Variants in SCRG1 observed in about 807,000 individuals in gnomAD.
SCRG1 encodes the protein stimulator of chondrogenesis 1, also known as scrapie-responsive protein 1.
Under a neutral mutation model 7.7 loss-of-function variants are expected in SCRG1, and 3 were observed. The observed-to-expected ratio is 0.39, with a 90% CI of 0.18 to 1.01. The LOEUF is 1.01. Among genes scored for constraint, SCRG1 ranks in the 50% least tolerant of loss-of-function variants. The pLI, the probability that SCRG1 is intolerant of heterozygous loss-of-function variation, is 0.36. For missense variants in SCRG1, 110 were observed against 117.2 expected, an observed-to-expected ratio of 0.94 and a Z score of 0.28; for synonymous variants, 46 against 41.2, an observed-to-expected ratio of 1.12 and a Z score of -0.44.
the SCRG1 span, among the ~76,000 whole-genome samples, chr4:173,504,743 A>C: frequency 5.3e-5 from 8 of 152,196 alleles, no homozygotes; most frequent in African/African-American, 1.9e-4. The surrounding 1 kb of genome is among the most constrained non-coding windows in gnomAD (Gnocchi z 4.7). Flanking sequence ...AAAGGTCAAC[A>C]CCATCCTTCT....
chr4:173,404,495 T>C (rs1187109517), intron 1 of SCRG1: 1 of 152,228 alleles, frequency 6.6e-6, no homozygotes, highest in Admixed American at 6.5e-5. Flanking sequence ...TTTTAAGTGA[T>C]TATAATTCTA....
At chr4:173,454,256 T>C in the SCRG1 span, among the ~76,000 whole-genome samples, 1 of 151,862 alleles carries the variant, frequency 6.6e-6, no homozygotes, top group African/African-American at 2.4e-5. Context: ...GAAGGGAAAG[T>C]TCACGTAGGA....
the SCRG1 span, among the ~76,000 whole-genome samples, chr4:173,462,377 T>C: frequency 6.6e-6 from 1 of 152,140 alleles, no homozygotes; most frequent in Non-Finnish European, 1.5e-5. Context: ...AGTGGAGACC[T>C]TACAAGCCAG....
the SCRG1 span, among the ~76,000 whole-genome samples, chr4:173,429,652 C>T: frequency 6.6e-6 from 1 of 152,136 alleles, no homozygotes; most frequent in Non-Finnish European, 1.5e-5. Context: ...GCTGCTCTCT[C>T]CATATGGATT....
the SCRG1 span, among the ~76,000 whole-genome samples, chr4:173,434,052 G>A: frequency 6.6e-6 from 1 of 152,154 alleles, no homozygotes; most frequent in Non-Finnish European, 1.5e-5. Context: ...AATACCTAGT[G>A]TGGTGTCCAT....
chr4:173,491,703 C>T, the SCRG1 span, among the ~76,000 whole-genome samples: 3 of 152,146 alleles, frequency 2.0e-5, no homozygotes, highest in Non-Finnish European at 2.9e-5. Flanking sequence ...CCCAGCTCTC[C>T]GCTTGCACTG....
chr4:173,444,323 T>C, the SCRG1 span, among the ~76,000 whole-genome samples: 34 of 152,300 alleles, frequency 2.2e-4, no homozygotes, highest in African/African-American at 7.5e-4. Flanking sequence ...GTCATTGTGG[T>C]TGACTTGTCA....
the SCRG1 span, among the ~76,000 whole-genome samples, chr4:173,449,032 C>T: frequency 6.6e-6 from 1 of 152,182 alleles, no homozygotes; most frequent in South Asian, 2.1e-4. Flanking sequence ...ATCACAGAGA[C>T]AGGCTGAAGT....
At chr4:173,405,000 T>C (rs1578970136) in intron 1 of SCRG1, among the ~76,000 whole-genome samples, 1 of 152,208 alleles carries the variant, frequency 6.6e-6, no homozygotes, top group East Asian at 1.9e-4. Context: ...TGTGGTCCAT[T>C]TTTTATAATT....
chr4:173,470,631 C>T, the SCRG1 span, among the ~76,000 whole-genome samples: 1 of 152,276 alleles, frequency 6.6e-6, no homozygotes. Flanking sequence ...AACCATATGA[C>T]CCTTTTAATA....
chr4:173,514,069 G>A, the SCRG1 span, among the ~76,000 whole-genome samples: 1 of 152,164 alleles, frequency 6.6e-6, no homozygotes, highest in African/African-American at 2.4e-5. Context: ...ATATGGGATT[G>A]AAAAACATGC....
chr4:173,490,037 A>G, the SCRG1 span, among the ~76,000 whole-genome samples: 1 of 152,214 alleles, frequency 6.6e-6, no homozygotes, highest in African/African-American at 2.4e-5. Context: ...TTATGGGGAC[A>G]ATAAAGAAAA....
the SCRG1 span, among the ~76,000 whole-genome samples, chr4:173,497,309 C>A: frequency 6.6e-6 from 1 of 152,130 alleles, no homozygotes; most frequent in African/African-American, 2.4e-5. Context: ...CTGGCCCATT[C>A]CCACACTGCC....
At chr4:173,484,220 A>C in the SCRG1 span, among the ~76,000 whole-genome samples, 2 of 81,920 alleles carry the variant, frequency 2.4e-5, no homozygotes, top group Non-Finnish European at 4.2e-5. Context: ...TTTCTATATT[A>C]TATATAATAT....
the SCRG1 span, among the ~76,000 whole-genome samples, chr4:173,471,081 C>A: frequency 6.6e-6 from 1 of 152,096 alleles, no homozygotes; most frequent in African/African-American, 2.4e-5. Flanking sequence ...TTTTAGAAGT[C>A]ATTACTCCTG....
the SCRG1 span, among the ~76,000 whole-genome samples, chr4:173,434,491 TC>T: frequency 6.6e-6 from 1 of 152,180 alleles, no homozygotes; most frequent in Admixed American, 6.5e-5. Flanking sequence ...AGCAATACGT[TC>T]TAAATGGAAT....
intron 1 of SCRG1, among the ~76,000 whole-genome samples, chr4:173,398,623 A>G (rs1462776113): frequency 6.6e-6 from 1 of 152,218 alleles, no homozygotes; most frequent in Non-Finnish European, 1.5e-5. Context: ...GGATTTTTAA[A>G]AGCAAAAAAC....
chr4:173,416,190 G>A, the SCRG1 span, among the ~76,000 whole-genome samples: 1 of 152,216 alleles, frequency 6.6e-6, no homozygotes, highest in African/African-American at 2.4e-5. Context: ...CATCTCTTAC[G>A]ATGACTTATC....
At chr4:173,394,014 A>C (rs1283178941) in intron 1 of SCRG1, among the ~76,000 whole-genome samples, 1 of 151,978 alleles carries the variant, frequency 6.6e-6, no homozygotes, top group African/African-American at 2.4e-5. Context: ...CTTAAATGTT[A>C]AGTAAGTCAT....
Sources: allele counts gnomAD v4.1 joint callset (sites outside exome capture counted in the v4.1 genomes callset), GRCh38; gene constraint gnomAD v4.1.1; non-coding constraint Gnocchi (gnomAD v3.1); transcripts MANE v1.5; gene names NCBI Gene and HGNC (gene_info 2026-07-23, HGNC 2026-07-21).